Variants in MCTP2 observed in about 807,000 individuals in gnomAD.
MCTP2 encodes the protein multiple C2 and transmembrane domain containing 2.
A neutral mutation model predicts 111.6 loss-of-function variants in MCTP2; 132 were observed. The observed-to-expected ratio is 1.18, with a 90% CI of 1.03 to 1.37. The LOEUF (loss-of-function observed/expected upper bound fraction) is 1.37, where lower values mean the gene tolerates loss of function less well. MCTP2 is among the 40% of genes most tolerant of loss of function. The pLI, the probability that MCTP2 is intolerant of heterozygous loss-of-function variation, is 0.00. For synonymous variants in MCTP2, 395 were observed against 387.7 expected, an observed-to-expected ratio of 1.02 and a Z score of -0.22; for missense variants, 1,183 against 1,067.9, an observed-to-expected ratio of 1.11 and a Z score of -1.50.
chr15:94,301,901 G>A (rs1002908279), intron 2 of MCTP2, among the ~76,000 whole-genome samples: 1 of 150,990 alleles, frequency 6.6e-6, no homozygotes, highest in Non-Finnish European at 1.5e-5. Flanking sequence ...TTGGGAATTG[G>A]TTCCTCTGTG....
chr15:94,298,281 C>T lies in MCTP2; in HGVS notation c.16C>T (p.Pro6Ser). MDLDK[P>S]SVWGSLKQRT... ...TCATGCAGCCATGGATCTGGATAAA[C>T]CATCTGTTTGGGGCTCATTAAAACA... Residue 6 changes from proline (P) to serine (S), a missense_variant, in exon 2 of 23, where the codon CCA (proline) becomes TCA (serine). Coordinates refer to ENST00000357742, the MANE Select transcript of MCTP2 (RefSeq NM_001385001.1). 1.2e-6 allele frequency: 2 copies of T among 1,611,672 alleles called. No individual in the cohort carries two copies. Among genetic ancestry groups the T allele is most frequent in the Non-Finnish European group, 1.7e-6 (2 of 1,178,818 alleles).
At chr15:94,253,931 T>C (rs2152271449) in intron 1 of MCTP2, among the ~76,000 whole-genome samples, 1 of 152,282 alleles carries the variant, frequency 6.6e-6, no homozygotes, top group Middle Eastern at 3.4e-3. Flanking sequence ...TGATCCTTGA[T>C]GCTCCAGAGC....
At chr15:94,472,816 G>C (rs747709985) in intron 21 of MCTP2, among the ~76,000 whole-genome samples, 8 of 152,102 alleles carry the variant, frequency 5.3e-5, no homozygotes, top group Non-Finnish European at 1.0e-4. Context: ...AATTCTGTTA[G>C]GACTTATCCT....
chr15:94,343,705 G>T (rs1462593310), intron 7 of MCTP2: 6 of 152,164 alleles, frequency 3.9e-5, no homozygotes, highest in Non-Finnish European at 7.4e-5. Flanking sequence ...AGATCCACCA[G>T]TGGTCTGGTT....
rs140667983 is a variant in MCTP2, at chr15:94,362,960, A to T, written c.1301+4348A>T. Among the ~76,000 whole-genome samples, 13 of 152,346 alleles carry T rather than the reference A, an allele frequency of 8.5e-5. No homozygotes were observed. The East Asian group carries it at 2.5e-3, about 29-fold the overall frequency. ...ATATGCCTTTTGCAGGAAAGGGAAA[A>T]AAAAGTAATTTAGTCTGTTTTCTTC... is the stretch of plus-strand genomic sequence containing the variant. On this transcript the variant is annotated intron_variant, in intron 10 of 22. Coordinates refer to ENST00000357742, the MANE Select transcript of MCTP2 (RefSeq NM_001385001.1).
At chr15:94,339,026 G>A (rs1416054731) in intron 4 of MCTP2, among the ~76,000 whole-genome samples, 1 of 152,018 alleles carries the variant, frequency 6.6e-6, no homozygotes, top group Non-Finnish European at 1.5e-5. Context: ...TTGAATTTTT[G>A]CGAGTAGTAT....
chr15:94,455,600 A>AT (rs1160410810), intron 19 of MCTP2, among the ~76,000 whole-genome samples: 1 of 151,768 alleles, frequency 6.6e-6, no homozygotes, highest in Non-Finnish European at 1.5e-5. Flanking sequence ...TAATTTTTGT[A>AT]TTTTTTAGTA....
rs201742957 is a variant in MCTP2, at chr15:94,401,922, G to A, written c.1988G>A (p.Arg663His). ...CAGATCTTATCAAGAGATGTGGACC[G>A]TGTGAAAAGAATCACTATGGCAATA... ...SKKILSRDVD[R>H]VKRITMAIWN... The change falls in exon 17 of 23, where the codon CGT (arginine) becomes CAT (histidine). Residue 663 changes from arginine (R) to histidine (H), a missense_variant. Physicochemically the swap from Arg to His is conservative, Grantham distance 29 (BLOSUM62 0). Transcript: ENST00000357742. The A allele has an allele frequency of 9.8e-5, 158 of 1,611,822 alleles. No homozygotes were observed. The highest frequency in any genetic ancestry group is 4.5e-4 in the East Asian group (20 of 44,816).
chr15:94,476,602 T>C lies in MCTP2; in HGVS notation c.2471-94T>C, dbSNP rs566867934. ...GATGCTAGATAGATAGATGATTGAC[T>C]GACAGATAGATAGATAGATAGATAG... On this transcript the variant is annotated intron_variant, in intron 21 of 22. Transcript: ENST00000357742. The C allele has an allele frequency of 3.9e-4, 276 of 711,860 alleles. No individual in the cohort carries two copies. In the African/African-American group the frequency reaches 4.8e-3, roughly 12 times the overall value. The allele number at this position is 711,860 out of a possible 1,614,324, so 44.1% of individuals were successfully genotyped here.
chr15:94,329,360 T>C (rs1158753091), intron 4 of MCTP2, among the ~76,000 whole-genome samples: 1 of 152,214 alleles, frequency 6.6e-6, no homozygotes, highest in Non-Finnish European at 1.5e-5. Context: ...TAGTCCGTTC[T>C]TGCATTGCTA....
At position 94,435,833 on chromosome 15, in the gene MCTP2, G is replaced by A. The variant is rs1190094548; in HGVS notation, c.2086-4343G>A. Among the ~76,000 whole-genome samples, 4 of 149,644 alleles carry A rather than the reference G, an allele frequency of 2.7e-5. No homozygotes were observed. In the East Asian group the frequency reaches 6.0e-4, roughly 22 times the overall value. ...TTTTTAGTAGAGACGGGGTTTCACCGTTTTAGCCGGGATGGTCTCGATCTC... is the reference window on the plus strand; with the variant it reads ...TTTTTAGTAGAGACGGGGTTTCACCATTTTAGCCGGGATGGTCTCGATCTC... On this transcript the variant is annotated intron_variant, in intron 17 of 22. Coordinates refer to ENST00000357742, the MANE Select transcript of MCTP2 (RefSeq NM_001385001.1).
intron 17 of MCTP2, among the ~76,000 whole-genome samples, chr15:94,434,187 T>C (rs1038416745): frequency 2.0e-5 from 3 of 151,998 alleles, no homozygotes; most frequent in Non-Finnish European, 4.4e-5. Flanking sequence ...CTGCATCCTC[T>C]AGCCTCTAGG....
intron 17 of MCTP2, among the ~76,000 whole-genome samples, chr15:94,418,249 C>T (rs2082463955): frequency 6.6e-6 from 1 of 152,160 alleles, no homozygotes; most frequent in Non-Finnish European, 1.5e-5. Flanking sequence ...CATTGGACTT[C>T]TCCCATGGAG....
intron 1 of MCTP2, among the ~76,000 whole-genome samples, chr15:94,283,288 A>G (rs2074584534): frequency 6.6e-6 from 1 of 152,142 alleles, no homozygotes; most frequent in Admixed American, 6.5e-5. Context: ...CCATAGCAAG[A>G]CATCCTTGCT....
rs71132992 is a variant in MCTP2 at position 94,236,377 on chromosome 15, C to CTTTTTTTTTTTTTT, written c.-66+4728_-66+4741dup. Among the ~76,000 whole-genome samples, 388 of 72,508 alleles carry CTTTTTTTTTTTTTT rather than the reference C, an allele frequency of 5.4e-3. 30 individuals are homozygous for CTTTTTTTTTTTTTT. The highest frequency in any genetic ancestry group is 9.4e-3 in the African/African-American group (179 of 19,028). The allele number at this position is 72,508 out of a possible 152,430, so 47.6% of individuals were successfully genotyped here. On this transcript the variant is annotated intron_variant, in intron 1 of 22. Coordinates refer to ENST00000357742, the MANE Select transcript of MCTP2 (RefSeq NM_001385001.1). The stretch of plus-strand genomic sequence containing the variant: ...TATGATTCAATCCTTTCTTTTTTTT[C>CTTTTTTTTTTTTTT]TTTTTTTTTTTTTTTTTTTTTTTTT...
At chr15:94,433,397 A>G (rs1427114587) in intron 17 of MCTP2, among the ~76,000 whole-genome samples, 1 of 152,138 alleles carries the variant, frequency 6.6e-6, no homozygotes, top group Non-Finnish European at 1.5e-5. Context: ...GAAGACATGC[A>G]TGGTAGAGTA....
Position 94,476,885 on chromosome 15 carries a change from G to C in MCTP2, c.2568+92G>C. On this transcript the variant is annotated intron_variant, in intron 22 of 22. Coordinates refer to ENST00000357742, the MANE Select transcript of MCTP2 (RefSeq NM_001385001.1). ...GGAACACAAGGCTTTGCTTGTGTGA[G>C]TAATTGAGATAAGGAACCAGAAAAT... 3 of 744,530 alleles carry C rather than the reference G, an allele frequency of 4.0e-6. No individual in the cohort carries two copies. In the South Asian group the frequency reaches 4.9e-5, roughly 12 times the overall value. 46.1% of individuals were successfully genotyped at this position (744,530 alleles called of 1,614,324 possible).
chr15:94,467,352 TGAAAGGGG>T (rs1286054554), intron 20 of MCTP2, among the ~76,000 whole-genome samples: 3 of 152,200 alleles, frequency 2.0e-5, no homozygotes, highest in Non-Finnish European at 2.9e-5. Flanking sequence ...AAAAAAAATT[TGAAAGGGG>T]GCAAATTTCT....
intron 2 of MCTP2, among the ~76,000 whole-genome samples, chr15:94,310,957 A>C (rs1277128420): frequency 6.6e-6 from 1 of 151,390 alleles, no homozygotes; most frequent in Non-Finnish European, 1.5e-5. Context: ...CAAACAAACA[A>C]ACATAAACAA....
Sources: allele counts gnomAD v4.1 joint callset (sites outside exome capture counted in the v4.1 genomes callset), GRCh38; gene constraint gnomAD v4.1.1; transcripts MANE v1.5; gene names NCBI Gene and HGNC (gene_info 2026-07-23, HGNC 2026-07-21).